Variants in TAF15 observed in about 807,000 individuals in gnomAD.
TAF15 encodes TATA-binding protein-associated factor 2N.
Under a neutral mutation model 102.5 loss-of-function variants are expected in TAF15, and 37 were observed. The observed-to-expected ratio is 0.36, with a 90% CI of 0.28 to 0.47. The LOEUF (loss-of-function observed/expected upper bound fraction) is 0.47. Among genes scored for constraint, TAF15 ranks in the 20% least tolerant of loss-of-function variants. TAF15 has a pLI of 0.99. For synonymous variants in TAF15, 273 were observed against 259.2 expected (o/e 1.05, Z -0.51); for missense variants, 652 against 760.7 (o/e 0.86, Z 1.68).
intron 12 of TAF15, 151 bp downstream of exon 12, chr17:35,842,610 A>T: frequency 1.5e-6 from 1 of 649,674 alleles, no homozygotes; most frequent in Non-Finnish European, 2.8e-6. Flanking sequence ...TACTGAATAT[A>T]TTAGGTAAAT....
chr17:35,812,533 C>T (rs973501608), intron 1 of TAF15, among the ~76,000 whole-genome samples: 3 of 141,376 alleles, frequency 2.1e-5, no homozygotes, highest in Non-Finnish European at 3.0e-5. Context: ...TGTGGTGAGC[C>T]GAGATTGCGC....
At chr17:35,813,104 C>G (rs1425969381) in intron 1 of TAF15, among the ~76,000 whole-genome samples, 1 of 98,628 alleles carries the variant, frequency 1.0e-5, no homozygotes, top group Non-Finnish European at 1.9e-5. Flanking sequence ...GGTGACAGAG[C>G]AAGACTCTGT....
At chr17:35,827,277 A>G (rs2087341863) in intron 7 of TAF15, among the ~76,000 whole-genome samples, 1 of 150,934 alleles carries the variant, frequency 6.6e-6, no homozygotes, top group Non-Finnish European at 1.5e-5. Context: ...CGGAGCTTGC[A>G]GTGAGCTGAG....
intron 15 of TAF15, among the ~76,000 whole-genome samples, chr17:35,845,574 G>A (rs898336883): frequency 1.3e-5 from 2 of 151,732 alleles, no homozygotes; most frequent in African/African-American, 4.8e-5. Flanking sequence ...TTGCAGTGGC[G>A]CAGTCTCGGC....
At chr17:35,815,322 A>T in intron 1 of TAF15, among the ~76,000 whole-genome samples, 1 of 152,216 alleles carries the variant, frequency 6.6e-6, no homozygotes, top group Admixed American at 6.5e-5. Context: ...GTTGTTTAGG[A>T]TGCCTTAATC....
At chr17:35,822,225 G>C (rs1392800802) in intron 5 of TAF15, among the ~76,000 whole-genome samples, 1 of 151,616 alleles carries the variant, frequency 6.6e-6, no homozygotes, top group Non-Finnish European at 1.5e-5. Flanking sequence ...CCTGTAATCT[G>C]AGCTACTCGG....
At chr17:35,813,290 G>A (rs185070721) in intron 1 of TAF15, among the ~76,000 whole-genome samples, 8 of 152,172 alleles carry the variant, frequency 5.3e-5, no homozygotes, top group Admixed American at 4.6e-4. Flanking sequence ...TCTCACAGAT[G>A]TGGAAGGTAG....
intron 7 of TAF15, among the ~76,000 whole-genome samples, chr17:35,825,213 G>A (rs2087310817): frequency 6.6e-6 from 1 of 152,146 alleles, no homozygotes; most frequent in Non-Finnish European, 1.5e-5. Context: ...TCTATTTTTA[G>A]TGTACAGTGC....
chr17:35,824,871 TG>T (rs1421223726), intron 7 of TAF15, among the ~76,000 whole-genome samples: 1 of 152,176 alleles, frequency 6.6e-6, no homozygotes, highest in Non-Finnish European at 1.5e-5. Flanking sequence ...GTTATGAAGC[TG>T]GTTTGAAAAT....
intron 5 of TAF15, among the ~76,000 whole-genome samples, chr17:35,821,371 C>G (rs972097162): frequency 1.3e-5 from 2 of 152,050 alleles, no homozygotes; most frequent in African/African-American, 4.8e-5. Context: ...TAAGGAGAAT[C>G]GTTTTATAAA....
At chr17:35,822,491 A>G in intron 5 of TAF15, 149 bp from the exon 6 acceptor site, 1 of 679,964 alleles carries the variant, frequency 1.5e-6, no homozygotes, top group Non-Finnish European at 2.5e-6. Context: ...ATTCCAGGAG[A>G]CTGCAGATAA....
intron 1 of TAF15, chr17:35,817,092 A>G (rs1460280580): frequency 6.6e-6 from 1 of 152,474 alleles, no homozygotes; most frequent in Non-Finnish European, 1.5e-5. Flanking sequence ...GTGAGCCACC[A>G]TGCCCGGTCC....
At position 35,844,488 on chromosome 17, in the gene TAF15, A is replaced by C; in HGVS notation, c.1189A>C (p.Arg397=). Residue 397 remains arginine (R), a synonymous_variant, in exon 15 of 16, where the codon AGA becomes CGA. Coordinates refer to ENST00000605844, the MANE Select transcript of TAF15 (RefSeq NM_139215.3). ...TTTCTACCTTGCAGATTTCCGGGGG[A>C]GAGGCTACGGTGGAGAGAGGGGCTA... ...SRPSGGDFRG[R]GYGGERGYRG... is the part of the protein sequence containing the mutation. The C allele has an allele frequency of 6.2e-7, 1 of 1,612,834 alleles. No homozygotes were observed. The highest frequency in any genetic ancestry group is 8.5e-7 in the Non-Finnish European group (1 of 1,179,534).
chr17:35,838,091 G>A (rs1360805003), intron 10 of TAF15, among the ~76,000 whole-genome samples: 1 of 152,074 alleles, frequency 6.6e-6, no homozygotes, highest in Non-Finnish European at 1.5e-5. Context: ...GCTGAGGTGG[G>A]AGGATCACTT....
chr17:35,836,318 A>G (rs2087474258), intron 10 of TAF15, 77 bp downstream of exon 10: 3 of 1,063,668 alleles, frequency 2.8e-6, no homozygotes, highest in East Asian at 2.5e-5. Flanking sequence ...TAGTAAGCCT[A>G]CATACTTCAG....
intron 1 of TAF15, among the ~76,000 whole-genome samples, chr17:35,814,096 A>G (rs558631752): frequency 9.2e-5 from 14 of 152,084 alleles, no homozygotes; most frequent in African/African-American, 3.1e-4. Flanking sequence ...TTGTAGAGAT[A>G]GGATCTTTCT....
At chr17:35,838,677 A>G in intron 11 of TAF15, 124 bp downstream of exon 11, 1 of 1,427,060 alleles carries the variant, frequency 7.0e-7, no homozygotes, top group Non-Finnish European at 9.6e-7. Flanking sequence ...TTAAGAATAC[A>G]GGTCAGAATT....
chr17:35,810,556 A>G (rs557877695), intron 1 of TAF15: 4 of 152,348 alleles, frequency 2.6e-5, no homozygotes, highest in South Asian at 2.1e-4. Flanking sequence ...CCAGGTGTCT[A>G]TCCACTTGCT....
chr17:35,820,915 T>C (rs1598524059), intron 5 of TAF15, among the ~76,000 whole-genome samples: 1 of 152,188 alleles, frequency 6.6e-6, no homozygotes, highest in Non-Finnish European at 1.5e-5. Context: ...TTTCAGGTTT[T>C]ATAAAGTTTT....
Sources: gnomAD v4.1 joint callset for allele counts (sites outside exome capture counted in the v4.1 genomes callset) on GRCh38, gnomAD v4.1.1 for gene constraint, MANE v1.5 for transcripts, NCBI Gene and HGNC (gene_info 2026-07-23, HGNC 2026-07-21) for gene names.